Variants in OPCML observed in about 807,000 individuals in gnomAD.
OPCML encodes opioid-binding protein/cell adhesion molecule.
OPCML carries 13 observed loss-of-function variants against 37.8 expected under a neutral mutation model. The observed-to-expected ratio is 0.34, with a 90% confidence interval of 0.22 to 0.55. The LOEUF (loss-of-function observed/expected upper bound fraction) is 0.55, where lower values mean the gene tolerates loss of function less well. Ranked by LOEUF, OPCML falls within the 20% of genes least tolerant of loss-of-function variation. OPCML has a pLI of 0.91. For missense variants in OPCML, 341 were observed against 435.6 expected (o/e 0.78, Z 1.93); for synonymous variants, 176 against 168.8 (o/e 1.04, Z -0.33).
chr11:132,905,164 T>C (rs986887020), intron 2 of OPCML, among the ~76,000 whole-genome samples: 6 of 151,542 alleles, frequency 4.0e-5, no homozygotes, highest in South Asian at 2.1e-4. Context: ...AGCTGTGTTA[T>C]AGAACTTGCC....
rs576061408 is a variant in OPCML, at chr11:132,728,817, A to T, written c.147-71498T>A. Among the ~76,000 whole-genome samples, 21 of 152,314 alleles carry T rather than the reference A, an allele frequency of 1.4e-4. No homozygotes were observed. In the South Asian group the frequency reaches 4.4e-3, roughly 32 times the overall value. ...ATGCCATGTGGAAACAAGGAAACAA[A>T]CTCAGAAAAATTACAAAATTCCCCT... On this transcript the variant is annotated intron_variant, in intron 2 of 7. Coordinates refer to ENST00000524381, the MANE Select transcript of OPCML (RefSeq NM_001012393.5).
At chr11:132,683,269 G>T (rs963918602) in intron 2 of OPCML, among the ~76,000 whole-genome samples, 3 of 152,122 alleles carry the variant, frequency 2.0e-5, no homozygotes, top group African/African-American at 4.8e-5. Flanking sequence ...GCATAGTGGC[G>T]CATGCCTGTA....
At chr11:132,428,314 A>G (rs1448703183) in intron 7 of OPCML, among the ~76,000 whole-genome samples, 1 of 152,242 alleles carries the variant, frequency 6.6e-6, no homozygotes. Context: ...ATGAAACTGT[A>G]TAGAGGCTAT....
intron 2 of OPCML, among the ~76,000 whole-genome samples, chr11:132,758,085 G>A (rs1184107381): frequency 6.6e-6 from 1 of 152,026 alleles, no homozygotes; most frequent in Non-Finnish European, 1.5e-5. Context: ...TTTTTGTCAG[G>A]TTTGTCAAAG....
intron 1 of OPCML, among the ~76,000 whole-genome samples, chr11:133,149,216 A>G (rs940167003): frequency 6.6e-6 from 1 of 152,232 alleles, no homozygotes; most frequent in Non-Finnish European, 1.5e-5. Flanking sequence ...GTTACGCACC[A>G]TGATACTTGC....
At position 133,005,618 on chromosome 11, in the gene OPCML, C is replaced by T. The variant is rs546439811; in HGVS notation, c.62-62608G>A. 882 of 984,172 alleles carry T rather than the reference C, an allele frequency of 9.0e-4. 20 individuals carry two copies. The highest frequency in any genetic ancestry group is 3.3e-3 in the South Asian group (70 of 21,252). The allele number at this position is 984,172 out of a possible 1,614,324, so 61.0% of individuals were successfully genotyped here. A position where few individuals can be genotyped will look rare whatever the true frequency, so the allele number is the denominator to read the frequency against. ...ACAGATGTTTTCCTAACCTTCACAC[C>T]GCCCTTTCTGATGGCTCAGCCATCC... On this transcript the variant is annotated intron_variant, in intron 1 of 7. Transcript: ENST00000524381.
chr11:132,642,129 C>G (rs1940885579), intron 3 of OPCML, among the ~76,000 whole-genome samples: 1 of 152,134 alleles, frequency 6.6e-6, no homozygotes, highest in African/African-American at 2.4e-5. Flanking sequence ...GGGGAGGTCT[C>G]TACATTTTCT....
At chr11:132,959,394 GACA>G (rs1479699959) in intron 1 of OPCML, among the ~76,000 whole-genome samples, 3 of 152,372 alleles carry the variant, frequency 2.0e-5, no homozygotes, top group East Asian at 3.9e-4. Flanking sequence ...TTGTTGAAAT[GACA>G]ACAAGGGAGT....
intron 1 of OPCML, among the ~76,000 whole-genome samples, chr11:133,216,099 G>A (rs983695105): frequency 2.6e-5 from 4 of 152,054 alleles, no homozygotes; most frequent in African/African-American, 9.7e-5. Context: ...AGGTGCAAGG[G>A]GACCTCAGAA....
chr11:132,712,511 C>G (rs1407856766), intron 2 of OPCML, among the ~76,000 whole-genome samples: 1 of 152,228 alleles, frequency 6.6e-6, no homozygotes, highest in East Asian at 1.9e-4. Flanking sequence ...GCCGTACAGT[C>G]TAATAAATAT....
chr11:133,470,283 A>G (rs1050864118), intron 1 of OPCML, among the ~76,000 whole-genome samples: 1 of 152,210 alleles, frequency 6.6e-6, no homozygotes, highest in Non-Finnish European at 1.5e-5. Context: ...AACACTCTTC[A>G]CAGTTTTTGA....
chr11:132,667,196 C>T (rs997270777), intron 2 of OPCML, among the ~76,000 whole-genome samples: 1 of 152,122 alleles, frequency 6.6e-6, no homozygotes, highest in South Asian at 2.1e-4. Context: ...TTTGTTGTTG[C>T]TTATTTGTTT....
Position 133,206,222 on chromosome 11 carries a change from G to A in OPCML, c.62-263212C>T, listed in dbSNP as rs1387709600. On this transcript the variant is annotated intron_variant, in intron 1 of 7. Coordinates refer to ENST00000524381, the MANE Select transcript of OPCML (RefSeq NM_001012393.5). The surrounding 1 kb of genome is among the most constrained non-coding windows in gnomAD (Gnocchi z 4.7). ...AACGTCATCAATGCTCAATGAATGC[G>A]AGCAGTACATTAAAGATCAGCAGTA... Among the ~76,000 whole-genome samples, 1 of 152,124 alleles carries A rather than the reference G, an allele frequency of 6.6e-6. No homozygotes were observed. Among genetic ancestry groups the A allele is most frequent in the Non-Finnish European group, 1.5e-5 (1 of 68,028 alleles).
At chr11:133,228,738 C>T (rs1300889645) in intron 1 of OPCML, among the ~76,000 whole-genome samples, 1 of 152,254 alleles carries the variant, frequency 6.6e-6, no homozygotes, top group Non-Finnish European at 1.5e-5. Context: ...TCAGCACGGG[C>T]CCAGGAGGCT....
intron 2 of OPCML, among the ~76,000 whole-genome samples, chr11:132,848,843 C>CT (rs1484363570): frequency 6.6e-6 from 1 of 152,160 alleles, no homozygotes; most frequent in African/African-American, 2.4e-5. Context: ...ACACTTTTTC[C>CT]TTTTTCACAG....
At chr11:132,652,349 A>AACAC (rs5795793) in intron 3 of OPCML, among the ~76,000 whole-genome samples, 11,660 of 142,518 alleles carry the variant, frequency 0.082, 505 homozygotes, top group Non-Finnish European at 0.096. Flanking sequence ...AAGAATGACA[A>AACAC]ACACACACAC....
chr11:132,511,136 A>G (rs2096267914), intron 4 of OPCML, among the ~76,000 whole-genome samples: 1 of 152,186 alleles, frequency 6.6e-6, no homozygotes, highest in African/African-American at 2.4e-5. Flanking sequence ...GGCAAGGTCA[A>G]TATAAAAAAG....
chr11:132,828,088 A>G (rs1940468321), intron 2 of OPCML, among the ~76,000 whole-genome samples: 1 of 152,350 alleles, frequency 6.6e-6, no homozygotes, highest in Middle Eastern at 3.4e-3. Flanking sequence ...TCAAACATAA[A>G]AAGGACATGG....
At chr11:132,953,544 T>G (rs1023565220) in intron 1 of OPCML, among the ~76,000 whole-genome samples, 3 of 151,824 alleles carry the variant, frequency 2.0e-5, no homozygotes, top group African/African-American at 7.2e-5. Flanking sequence ...GTTCTATAAA[T>G]CCAATAACAA....
Sources: allele counts gnomAD v4.1 joint callset (sites outside exome capture counted in the v4.1 genomes callset), GRCh38; gene constraint gnomAD v4.1.1; non-coding constraint Gnocchi (gnomAD v3.1); transcripts MANE v1.5; gene names NCBI Gene and HGNC (gene_info 2026-07-23, HGNC 2026-07-21).